Variants in TP53BP1 observed in about 807,000 individuals in gnomAD.
TP53BP1 encodes the protein tumor protein p53 binding protein 1, also known as TP53-binding protein 1.
Under a neutral mutation model 200.8 loss-of-function variants are expected in TP53BP1, and 61 were observed. The observed-to-expected ratio is 0.30, with a 90% CI of 0.25 to 0.38. The LOEUF is 0.38. Ranked by LOEUF, TP53BP1 falls within the 10% of genes least tolerant of loss-of-function variation. The pLI, the probability that TP53BP1 is intolerant of heterozygous loss-of-function variation, is 1.00. For missense variants in TP53BP1, 2,144 were observed against 2,371.9 expected (o/e 0.90, Z 2.00); for synonymous variants, 822 against 844.3 (o/e 0.97, Z 0.46).
At chr15:43,471,045 A>G (rs1036686153) in intron 10 of TP53BP1, among the ~76,000 whole-genome samples, 3 of 152,228 alleles carry the variant, frequency 2.0e-5, no homozygotes, top group Admixed American at 2.0e-4. Context: ...TTGCCATGAC[A>G]AAGCACATTA....
chr15:43,479,549 G>C (rs772667624), intron 6 of TP53BP1, 23 bp from the exon 7 acceptor site: 1 of 1,594,876 alleles, frequency 6.3e-7, no homozygotes. Flanking sequence ...TAAAATGACA[G>C]GAAGGAGATA....
At chr15:43,499,880 T>G (rs1025912907) in intron 1 of TP53BP1, among the ~76,000 whole-genome samples, 2 of 152,208 alleles carry the variant, frequency 1.3e-5, no homozygotes, top group African/African-American at 2.4e-5. Flanking sequence ...AGGAAGGAGA[T>G]AAGACATAGA....
intron 11 of TP53BP1, among the ~76,000 whole-genome samples, chr15:43,459,926 G>T (rs1428437943): frequency 6.6e-6 from 1 of 152,198 alleles, no homozygotes; most frequent in African/African-American, 2.4e-5. Context: ...AAGCTGATGT[G>T]TGATTGCCTA....
intron 18 of TP53BP1, among the ~76,000 whole-genome samples, chr15:43,423,462 A>T (rs911052869): frequency 1.3e-5 from 2 of 150,666 alleles, no homozygotes; most frequent in East Asian, 3.9e-4. Context: ...GTTCAAGACC[A>T]GTCTGGCCAT....
rs754051235 is a variant in TP53BP1, at chr15:43,413,112, G to A, written c.5305+7C>T. 1.2e-6 allele frequency: 2 copies of A among 1,613,980 alleles called. No individual in the cohort carries two copies. The highest frequency in any genetic ancestry group is 1.7e-6 in the Non-Finnish European group (2 of 1,179,898). On this transcript the variant is annotated splice_region_variant and intron_variant, in intron 24 of 27. Transcript: ENST00000382044. ...GTCAGAGCTCCCAGGGCTTCCTAAG[G>A]CCTTACCCTCCTCTTCTTCACTGCT...
chr15:43,474,611 A>T (rs2046810976), intron 10 of TP53BP1, 62 bp downstream of exon 10: 1 of 1,159,430 alleles, frequency 8.6e-7, no homozygotes, highest in Non-Finnish European at 1.3e-6. Context: ...ACATTTTGCA[A>T]GGCAGAAAAA....
At chr15:43,407,749 T>C in intron 27 of TP53BP1, 179 bp from the exon 28 acceptor site, 1 of 782,300 alleles carries the variant, frequency 1.3e-6, no homozygotes, top group Non-Finnish European at 2.0e-6. Context: ...GTGCTGACCT[T>C]GTAGAAATAT....
At chr15:43,438,094 T>C (rs555817171) in intron 16 of TP53BP1, among the ~76,000 whole-genome samples, 4 of 152,370 alleles carry the variant, frequency 2.6e-5, no homozygotes, top group African/African-American at 7.2e-5. Context: ...CCTTAATGCA[T>C]ACATATGGGC....
chr15:43,420,450 T>C lies in TP53BP1; in HGVS notation c.4536A>G (p.Thr1512=), dbSNP rs774715708. Residue 1512 remains threonine (T), a synonymous_variant, in exon 21 of 28, where the codon ACA becomes ACG. Coordinates refer to ENST00000382044, the MANE Select transcript of TP53BP1 (RefSeq NM_001141980.3). ...TATACTTCCCAGCTCCGACATCTCG[T>C]GTGATTTTCCCAGAGTAAAAGTAGC... ...SNGYFYSGKI[T]RDVGAGKYKL... is the part of the protein sequence containing the mutation. 7.4e-6 allele frequency: 12 copies of C among 1,614,200 alleles called. 1 individual carries two copies. In the South Asian group the frequency reaches 1.3e-4, roughly 18 times the overall value.
In TP53BP1 at chr15:43,475,591, C is replaced by T. The variant is rs1002301902; in HGVS notation, c.1059G>A (p.Arg353=). 2.5e-6 allele frequency: 4 copies of T among 1,614,080 alleles called. No individual in the cohort carries two copies. Among genetic ancestry groups the T allele is most frequent in the Non-Finnish European group, 3.4e-6 (4 of 1,180,028 alleles). ...TGGAAAGACTGTCCTGAACAAGGGA[C>T]CTCTGACCAGAGAGCTGCAGGAGAT... ...TLHLLQLSGQ[R]SLVQDSLSTN... Residue 353 remains arginine, a synonymous_variant, in exon 9 of 28, where the codon AGG becomes AGA. Transcript: ENST00000382044.
At chr15:43,462,551 A>G (rs2046464044) in intron 11 of TP53BP1, among the ~76,000 whole-genome samples, 1 of 152,022 alleles carries the variant, frequency 6.6e-6, no homozygotes, top group South Asian at 2.1e-4. Context: ...TCCTAGCTCA[A>G]GCTATCCTCC....
intron 14 of TP53BP1, 97 bp downstream of exon 14, chr15:43,446,290 A>ATAAATGTATTTG: frequency 4.3e-6 from 4 of 929,854 alleles, no homozygotes; most frequent in Non-Finnish European, 6.4e-6. Flanking sequence ...AAATACATTT[A>ATAAATGTATTTG]TAAATATAGA....
intron 4 of TP53BP1, 111 bp downstream of exon 4, chr15:43,491,558 T>C: frequency 1.2e-6 from 1 of 843,486 alleles, no homozygotes; most frequent in African/African-American, 1.7e-5. Context: ...TCCCATTTCC[T>C]AATCCACAAG....
At position 43,403,667 on chromosome 15, in the gene TP53BP1, T is replaced by G; in HGVS notation, c.*3716A>C. The G allele has an allele frequency of 1.3e-6, 2 of 1,588,278 alleles. No individual in the cohort carries two copies. Among genetic ancestry groups the G allele is most frequent in the Non-Finnish European group, 1.7e-6 (2 of 1,158,656 alleles). On this transcript the variant is annotated 3_prime_UTR_variant, in exon 28 of 28. Coordinates refer to ENST00000382044, the MANE Select transcript of TP53BP1 (RefSeq NM_001141980.3). ...CCTTCCTTCCTTTCCTAATGCCAACTCTGTTTCCCGGGTAGGTGTTTCACT... is the reference window on the plus strand; with the variant it reads ...CCTTCCTTCCTTTCCTAATGCCAACGCTGTTTCCCGGGTAGGTGTTTCACT...
chr15:43,426,634 C>T (rs2045540944), intron 18 of TP53BP1, among the ~76,000 whole-genome samples: 1 of 151,826 alleles, frequency 6.6e-6, no homozygotes, highest in Non-Finnish European at 1.5e-5. Context: ...TAAAACTATA[C>T]ACTAGAGTTT....
chr15:43,428,660 A>G (rs1389629205), intron 17 of TP53BP1, among the ~76,000 whole-genome samples: 1 of 152,194 alleles, frequency 6.6e-6, no homozygotes, highest in African/African-American at 2.4e-5. Flanking sequence ...ACCACAGTTT[A>G]TTACCTAAAA....
At chr15:43,415,189 A>G (rs1332758967) in intron 23 of TP53BP1, 3 of 293,362 alleles carry the variant, frequency 1.0e-5, no homozygotes, top group Admixed American at 4.8e-5. Context: ...TGGTGTGATC[A>G]AGTCCTGGCC....
intron 10 of TP53BP1, among the ~76,000 whole-genome samples, chr15:43,470,614 A>C (rs2046702180): frequency 6.6e-6 from 1 of 152,232 alleles, no homozygotes; most frequent in African/African-American, 2.4e-5. Context: ...GCACTGATTT[A>C]TCAAAGAACT....
chr15:43,489,116 C>T (rs1011064777), intron 4 of TP53BP1, among the ~76,000 whole-genome samples: 2 of 152,140 alleles, frequency 1.3e-5, no homozygotes, highest in Non-Finnish European at 2.9e-5. Context: ...AAGAGGTGTC[C>T]CCTTATCCTT....
Sources: gnomAD v4.1 joint callset for allele counts (sites outside exome capture counted in the v4.1 genomes callset) on GRCh38, gnomAD v4.1.1 for gene constraint, MANE v1.5 for transcripts, NCBI Gene and HGNC (gene_info 2026-07-23, HGNC 2026-07-21) for gene names.